C2: variants seen among roughly 807,000 people sequenced by gnomAD.
C2 encodes the protein C3/C5 convertase.
A neutral mutation model predicts 85.2 loss-of-function variants in C2; 64 were observed. The observed-to-expected ratio is 0.75, with a 90% CI of 0.61 to 0.92. The LOEUF is 0.92. Ranked by LOEUF, C2 falls within the 40% of genes least tolerant of loss-of-function variation. The pLI, the probability that C2 is intolerant of heterozygous loss-of-function variation, is 0.00. For synonymous variants in C2, 311 were observed against 370.8 expected, an observed-to-expected ratio of 0.84 and a Z score of 1.85; for missense variants, 820 against 971.6, an observed-to-expected ratio of 0.84 and a Z score of 2.07.
At chr6:31,900,910 G>A, upstream of C2, 1 of 1,614,156 alleles carries the variant, frequency 6.2e-7, no homozygotes, top group Non-Finnish European at 8.5e-7. This position sits in a 1 kb window ranked among gnomAD's most constrained non-coding sequence, Gnocchi z 9.7. Context: ...CCTCTTTGAG[G>A]CCTATTTTGG....
intron 1 of C2, among the ~76,000 whole-genome samples, chr6:31,914,491 T>C (rs1268442038): frequency 2.0e-5 from 3 of 150,882 alleles, no homozygotes; most frequent in African/African-American, 7.3e-5. Flanking sequence ...CTTGGGAGGC[T>C]GAGGCAGAAG....
Position 31,945,144 on chromosome 6 carries a change from G to A in C2, c.2080-34G>A. 3 of 1,610,782 alleles carry A rather than the reference G, an allele frequency of 1.9e-6. No individual in the cohort carries two copies. The highest frequency in any genetic ancestry group is 2.5e-6 in the Non-Finnish European group (3 of 1,178,042). ...GTTGGGGCTTACAGTTGGGGCTGTGGCAGCCTCCCAGCCAGTTCTCTCCTT... is the reference window on the plus strand; with the variant it reads ...GTTGGGGCTTACAGTTGGGGCTGTGACAGCCTCCCAGCCAGTTCTCTCCTT... On this transcript the variant is annotated intron_variant, in intron 17 of 17. Transcript: ENST00000299367. This position sits in a 1 kb window ranked among gnomAD's most constrained non-coding sequence, Gnocchi z 5.3.
chr6:31,944,725 A>G lies in C2; in HGVS notation c.1903-2A>G. The G allele has an allele frequency of 6.2e-7, 1 of 1,613,082 alleles. No homozygotes were observed. On this transcript the variant is annotated splice_acceptor_variant, in intron 15 of 17. Transcript: ENST00000299367. LOFTEE classifies it high-confidence loss of function. This position sits in a 1 kb window ranked among gnomAD's most constrained non-coding sequence, Gnocchi z 5.1. ...TTCTCTCTGGTTCCACCCCTGCTGCAGTGGACAAGCTGTGCCGAGGTTGTC... is the reference window on the plus strand; with the variant it reads ...TTCTCTCTGGTTCCACCCCTGCTGCGGTGGACAAGCTGTGCCGAGGTTGTC...
At chr6:31,902,349 C>A (rs192017691) in intron 1 of C2, among the ~76,000 whole-genome samples, 2 of 152,052 alleles carry the variant, frequency 1.3e-5, no homozygotes. Flanking sequence ...TCCCGGCTGC[C>A]CATGGCGCTA....
upstream of C2, among the ~76,000 whole-genome samples, chr6:31,918,953 C>T (rs920967486): frequency 3.3e-5 from 5 of 151,090 alleles, no homozygotes; most frequent in African/African-American, 4.9e-5. Context: ...GAACCCAGAC[C>T]GTCTATGAAC....
chr6:31,925,480 A>C (rs17201417), upstream of C2, among the ~76,000 whole-genome samples: 5,177 of 152,200 alleles, frequency 0.034, 110 homozygotes, highest in South Asian at 0.056. Context: ...TTTAGTAGAG[A>C]TGGGGTTTCA....
At position 31,920,971 on chromosome 6, in the gene C2, G is replaced by A. The variant is rs1280307507; in HGVS notation, c.-100+945G>A. Among the ~76,000 whole-genome samples, 1 of 152,138 alleles carries A rather than the reference G, an allele frequency of 6.6e-6. No individual in the cohort carries two copies. The highest frequency in any genetic ancestry group is 1.5e-5 in the Non-Finnish European group (1 of 68,014). ...CCTGGGCATGGGGAGGAGCCCCATG[G>A]GGCAGGGCAAAACCCTTTCTGAGGC... On this transcript the variant is annotated intron_variant, in intron 1 of 3. Transcript: ENST00000413154. The surrounding 1 kb of genome is among the most constrained non-coding windows in gnomAD (Gnocchi z 5.6).
At position 31,943,174 on chromosome 6, in the gene C2, A is replaced by G. The variant is rs368764711; in HGVS notation, c.1361-51A>G. The stretch of plus-strand genomic sequence containing the variant: ...CCAGAGGCCCGTGTTGGGAACCTGG[A>G]CACAGTGCCCCTCACTTGCCTCCTT... On this transcript the variant is annotated intron_variant, in intron 10 of 17. Coordinates refer to ENST00000299367, the MANE Select transcript of C2 (RefSeq NM_000063.6). The surrounding 1 kb of genome is among the most constrained non-coding windows in gnomAD (Gnocchi z 6.4). 1.2e-5 allele frequency: 19 copies of G among 1,611,482 alleles called. No individual in the cohort carries two copies. Among genetic ancestry groups the G allele is most frequent in the Admixed American group, 1.7e-5 (1 of 60,004 alleles).
In C2 at chr6:31,920,135, G is replaced by A. The variant is rs1768862700; in HGVS notation, c.-100+109G>A. The A allele has an allele frequency of 6.6e-6, 1 of 152,574 alleles. No homozygotes were observed. 9.5% of individuals were successfully genotyped at this position (152,574 alleles called of 1,614,324 possible). On this transcript the variant is annotated intron_variant, in intron 1 of 3. Transcript: ENST00000413154. This position sits in a 1 kb window ranked among gnomAD's most constrained non-coding sequence, Gnocchi z 5.6. ...TCATACCACACTGGGGCTGGGGCCA[G>A]AGACGGGGCAGGAGGAGCTCTTCTC...
At chr6:31,900,276 C>T (rs754017060), upstream of C2, 2 of 1,613,416 alleles carry the variant, frequency 1.2e-6, no homozygotes, top group South Asian at 2.2e-5. The surrounding 1 kb of genome is among the most constrained non-coding windows in gnomAD (Gnocchi z 9.7). Context: ...TTCTCCACGC[C>T]CTGGAACACT....
In C2 at chr6:31,921,018, G is replaced by C. The variant is rs1323317837; in HGVS notation, c.-100+992G>C. Reference sequence around the variant, plus strand: ...AGGCTCTAAGGGTGATGTATGTGGAGATTCCTCAAGATCATAGTTGGGCAA... The same window carrying C: ...AGGCTCTAAGGGTGATGTATGTGGACATTCCTCAAGATCATAGTTGGGCAA... On this transcript the variant is annotated intron_variant, in intron 1 of 3. Coordinates refer to the C2 transcript ENST00000413154. The surrounding 1 kb of genome is among the most constrained non-coding windows in gnomAD (Gnocchi z 4.6). 6.6e-6 allele frequency among the ~76,000 whole-genome samples: 1 copy of C among 152,180 alleles called. No individual in the cohort carries two copies. The highest frequency in any genetic ancestry group is 1.5e-5 in the Non-Finnish European group (1 of 68,034).
Position 31,928,741 on chromosome 6 carries a change from G to A in C2, c.266G>A (p.Cys89Tyr). 6.2e-7 allele frequency: 1 copy of A among 1,614,212 alleles called. No individual in the cohort carries two copies. ...LSKAVCKPVRCPAPVSFENGI... is the reference protein window; with the variant it reads ...LSKAVCKPVRYPAPVSFENGI... ...CTTCCTCTCTCTCCAGCTGTGCGCT[G>A]TCCAGCCCCTGTCTCCTTTGAGAAT... Residue 89 changes from cysteine (C) to tyrosine (Y), a missense_variant, in exon 3 of 18, where the codon TGT (cysteine) becomes TAT (tyrosine). By Grantham distance (194) the Cys-to-Tyr change is radical. Transcript: ENST00000299367.
At chr6:31,941,813 A>AATTTTTTTTTT (rs1770901522) in intron 9 of C2, 1 of 89,128 alleles carries the variant, frequency 1.1e-5, no homozygotes, top group African/African-American at 4.8e-5. Flanking sequence ...CAGCCAGTTC[A>AATTTTTTTTTT]CTTTTTTTTT....
At position 31,943,322 on chromosome 6, in the gene C2, A is replaced by C; in HGVS notation, c.1455+3A>C. On this transcript the variant is annotated splice_donor_region_variant and intron_variant, in intron 11 of 17. Transcript: ENST00000299367. This position sits in a 1 kb window ranked among gnomAD's most constrained non-coding sequence, Gnocchi z 6.4. The stretch of plus-strand genomic sequence containing the variant: ...CACCCTGGCATGTCACTATTAAGGT[A>C]CCAGGAAGGAGGGGCAGGGCTTGGA... The C allele has an allele frequency of 6.2e-7, 1 of 1,612,350 alleles. No homozygotes were observed. The highest frequency in any genetic ancestry group is 8.5e-7 in the Non-Finnish European group (1 of 1,179,366).
In C2 at chr6:31,934,272, GGAGAGCGCC is replaced by G; in HGVS notation, c.823_831del (p.Glu275_Ala277del). 1 of 1,614,120 alleles carries G rather than the reference GGAGAGCGCC, an allele frequency of 6.2e-7. No homozygotes were observed. Among genetic ancestry groups the G allele is most frequent in the Non-Finnish European group, 8.5e-7 (1 of 1,180,006 alleles). On this transcript the variant is annotated inframe_deletion, in exon 6 of 18. Coordinates refer to ENST00000299367, the MANE Select transcript of C2 (RefSeq NM_000063.6). Reference sequence around the variant, plus strand: ...CGGAAAATGACTTTCTCATCTTCAAGGAGAGCGCCTCCCTCATGGTGGACAGGGTCAGGA... The same window carrying G: ...CGGAAAATGACTTTCTCATCTTCAAGTCCCTCATGGTGGACAGGGTCAGGA...
chr6:31,926,071 A>G (rs917123073), upstream of C2, among the ~76,000 whole-genome samples: 2 of 152,218 alleles, frequency 1.3e-5, no homozygotes, highest in African/African-American at 4.8e-5. Context: ...AATGACATAC[A>G]TAAGTTCTAC....
upstream of C2, among the ~76,000 whole-genome samples, chr6:31,923,367 A>G (rs1168279839): frequency 2.6e-5 from 4 of 152,236 alleles, no homozygotes; most frequent in African/African-American, 9.6e-5. Context: ...TTCCAAAGGC[A>G]TGAACCACAG....
rs1562604036 is a variant in C2, at chr6:31,937,352, C to CA, written c.1022_1023insA (p.Ala342GlyfsTer49). The CA allele has an allele frequency of 6.2e-7, 1 of 1,612,754 alleles. No homozygotes were observed. The highest frequency in any genetic ancestry group is 1.1e-5 in the South Asian group (1 of 91,070). On this transcript the variant is annotated frameshift_variant, in exon 8 of 18. Coordinates refer to ENST00000299367, the MANE Select transcript of C2 (RefSeq NM_000063.6). LOFTEE classifies it high-confidence loss of function. ...AATGGAACTGGGACTAACACCTATG[C>CA]GGCCTTAAACAGTGTCTATCTCATG...
At chr6:31,926,477 C>A (rs1769265262), upstream of C2, among the ~76,000 whole-genome samples, 1 of 151,576 alleles carries the variant, frequency 6.6e-6, no homozygotes, top group African/African-American at 2.4e-5. Context: ...GGATTACAGG[C>A]CCCTGCCACC....
Sources: gnomAD v4.1 joint callset for allele counts (sites outside exome capture counted in the v4.1 genomes callset) on GRCh38, gnomAD v4.1.1 for gene constraint, Gnocchi (gnomAD v3.1) non-coding constraint, MANE v1.5 for transcripts, NCBI Gene and HGNC (gene_info 2026-07-23, HGNC 2026-07-21) for gene names.